The following TRPM3 variants were observed in gnomAD, a reference collection of about 807,000 sequenced individuals.
TRPM3 encodes transient receptor potential cation channel subfamily M member 3.
TRPM3 carries 77 observed loss-of-function variants against 181.2 expected under a neutral mutation model. The observed-to-expected ratio is 0.42, with a 90% CI of 0.35 to 0.51. TRPM3 has a LOEUF of 0.51. TRPM3 is among the 20% of genes least tolerant of loss of function. TRPM3 has a pLI of 0.01. For synonymous variants in TRPM3, 745 were observed against 796.4 expected (o/e 0.94, Z 1.09); for missense variants, 1,759 against 2,196.7 (o/e 0.80, Z 3.98).
In TRPM3 at chr9:70,966,037, CA is replaced by C. The variant is rs201624720; in HGVS notation, c.178-101527del. The stretch of plus-strand genomic sequence containing the variant: ...GCATCTAAAAAAACAAACAAATTTA[CA>C]AAAAAAAAAAACCACAAAGAAACAA... On this transcript the variant is annotated intron_variant, in intron 1 of 25. Transcript: ENST00000677713. Among the ~76,000 whole-genome samples the C allele has an allele frequency of 4.2e-3, 536 of 127,698 alleles. 5 individuals are homozygous for C. The highest frequency in any genetic ancestry group is 8.6e-3 in the African/African-American group (300 of 34,820). The allele number at this position is 127,698 out of a possible 152,430, so 83.8% of individuals were successfully genotyped here. A position where few individuals can be genotyped will look rare whatever the true frequency, so the allele number is the denominator to read the frequency against.
intron 1 of TRPM3, among the ~76,000 whole-genome samples, chr9:70,901,823 A>G (rs934051539): frequency 1.3e-5 from 2 of 152,192 alleles, no homozygotes; most frequent in South Asian, 4.1e-4. Context: ...ATGATTGATT[A>G]ATGACCCAGA....
chr9:70,882,941 G>C (rs2096019541), intron 1 of TRPM3, among the ~76,000 whole-genome samples: 1 of 152,134 alleles, frequency 6.6e-6, no homozygotes, highest in Non-Finnish European at 1.5e-5. Flanking sequence ...TGGTGACTTT[G>C]TTCTTGACTG....
At chr9:71,417,419 A>T (rs1289476176) in intron 1 of TRPM3, among the ~76,000 whole-genome samples, 2 of 151,880 alleles carry the variant, frequency 1.3e-5, no homozygotes, top group African/African-American at 4.8e-5. Flanking sequence ...TTATGTGCTT[A>T]TTGACTAGCT....
At chr9:70,998,664 C>T (rs900205171) in intron 1 of TRPM3, among the ~76,000 whole-genome samples, 2 of 152,284 alleles carry the variant, frequency 1.3e-5, no homozygotes, top group South Asian at 2.1e-4. Flanking sequence ...TCCTCCATCA[C>T]TACTTCTTAG....
chr9:71,204,451 C>T (rs2079001775), intron 1 of TRPM3, among the ~76,000 whole-genome samples: 1 of 152,184 alleles, frequency 6.6e-6, no homozygotes, highest in South Asian at 2.1e-4. Context: ...AGCCAAAAGA[C>T]ACATGAAAAA....
At chr9:70,778,507 C>T (rs1160976630) in intron 7 of TRPM3, among the ~76,000 whole-genome samples, 1 of 152,104 alleles carries the variant, frequency 6.6e-6, no homozygotes, top group East Asian at 1.9e-4. Context: ...ATAAAACCAC[C>T]AGCGTTCTTT....
intron 1 of TRPM3, among the ~76,000 whole-genome samples, chr9:70,921,936 CAAACAA>C (rs1161493054): frequency 1.5e-5 from 2 of 137,208 alleles, no homozygotes; most frequent in African/African-American, 2.8e-5. Flanking sequence ...CACACACACA[CAAACAA>C]ACACACACAC....
At chr9:71,353,893 G>A (rs1334160491) in intron 1 of TRPM3, among the ~76,000 whole-genome samples, 1 of 152,114 alleles carries the variant, frequency 6.6e-6, no homozygotes. Context: ...AAAACATCTG[G>A]TTTCATCTGA....
At chr9:71,443,427 G>A (rs1303463863) in intron 1 of TRPM3, among the ~76,000 whole-genome samples, 1 of 152,018 alleles carries the variant, frequency 6.6e-6, no homozygotes, top group East Asian at 1.9e-4. Context: ...CATTTTAAAT[G>A]CCACTATTAG....
At chr9:71,024,757 G>A (rs2097879037) in intron 1 of TRPM3, among the ~76,000 whole-genome samples, 1 of 152,216 alleles carries the variant, frequency 6.6e-6, no homozygotes, top group East Asian at 1.9e-4. Flanking sequence ...TTATCTGCCA[G>A]CAGCTCATTT....
At chr9:71,032,020 T>TA (rs1565022776) in intron 1 of TRPM3, among the ~76,000 whole-genome samples, 15 of 172 alleles carry the variant, frequency 0.087, no homozygotes, top group Non-Finnish European at 0.15. Flanking sequence ...ATATAATATA[T>TA]ATATATAATA....
chr9:70,857,080 AT>A (rs1311717078), intron 3 of TRPM3, among the ~76,000 whole-genome samples: 1 of 152,142 alleles, frequency 6.6e-6, no homozygotes, highest in African/African-American at 2.4e-5. Flanking sequence ...CCTGGATTCC[AT>A]TCCAGTAAAA....
intron 1 of TRPM3, among the ~76,000 whole-genome samples, chr9:71,110,889 T>A (rs528272115): frequency 3.9e-5 from 6 of 152,330 alleles, no homozygotes; most frequent in South Asian, 4.1e-4. Flanking sequence ...CATGAGCTAA[T>A]GTCACATAAA....
chr9:71,302,365 T>C (rs958054284), intron 1 of TRPM3, among the ~76,000 whole-genome samples: 4 of 152,208 alleles, frequency 2.6e-5, no homozygotes, highest in Non-Finnish European at 5.9e-5. Context: ...AAGGACTACC[T>C]AATTGATATG....
At chr9:70,990,500 C>A (rs567817814) in intron 1 of TRPM3, among the ~76,000 whole-genome samples, 2 of 152,218 alleles carry the variant, frequency 1.3e-5, no homozygotes, top group South Asian at 2.1e-4. Context: ...AGGTCTTGAA[C>A]GGTGATTCCC....
chr9:70,743,137 CA>C, intron 8 of TRPM3, among the ~76,000 whole-genome samples: 1 of 152,066 alleles, frequency 6.6e-6, no homozygotes, highest in African/African-American at 2.4e-5. Context: ...TCAAAAAGTA[CA>C]TTTGGTTAGA....
chr9:70,542,273 TAAA>T (rs2043596921), intron 25 of TRPM3, among the ~76,000 whole-genome samples: 1 of 152,158 alleles, frequency 6.6e-6, no homozygotes, highest in Non-Finnish European at 1.5e-5. Flanking sequence ...ATATGGATGA[TAAA>T]AAATTTATGG....
At chr9:71,286,228 G>C (rs2085269343) in intron 1 of TRPM3, among the ~76,000 whole-genome samples, 1 of 152,180 alleles carries the variant, frequency 6.6e-6, no homozygotes, top group Non-Finnish European at 1.5e-5. Flanking sequence ...CAATCAACTT[G>C]TTGATAAATC....
intron 1 of TRPM3, among the ~76,000 whole-genome samples, chr9:70,894,085 T>C (rs1321576197): frequency 6.6e-6 from 1 of 152,156 alleles, no homozygotes; most frequent in Non-Finnish European, 1.5e-5. Context: ...GCATATATAA[T>C]AGAATGAAAA....
Sources: allele counts gnomAD v4.1 joint callset (sites outside exome capture counted in the v4.1 genomes callset), GRCh38; gene constraint gnomAD v4.1.1; transcripts MANE v1.5; gene names NCBI Gene and HGNC (gene_info 2026-07-23, HGNC 2026-07-21).